PRKDC: variants seen among roughly 807,000 people sequenced by gnomAD.
The protein encoded by PRKDC is protein kinase, DNA-activated, catalytic subunit.
In PRKDC, 82 loss-of-function variants were observed where a neutral mutation model predicts 486.9. That is an observed-to-expected ratio of 0.17 (90% confidence interval 0.14 to 0.20). The LOEUF is 0.20. Ranked by LOEUF, PRKDC falls within the 10% of genes least tolerant of loss-of-function variation. The pLI is 1.00. For synonymous variants in PRKDC, 1,895 were observed against 1,837.0 expected (o/e 1.03, Z -0.81); for missense variants, 4,504 against 5,038.2 (o/e 0.89, Z 3.21).
At chr8:47,949,395 CAG>C (rs2090590621) in intron 7 of PRKDC, among the ~76,000 whole-genome samples, 2 of 152,210 alleles carry the variant, frequency 1.3e-5, no homozygotes, top group Admixed American at 1.3e-4. Flanking sequence ...ATCTATACAA[CAG>C]AGACATTTTA....
intron 21 of PRKDC, 153 bp downstream of exon 21, chr8:47,927,041 G>A (rs970963767): frequency 1.9e-5 from 15 of 786,722 alleles, no homozygotes; most frequent in Non-Finnish European, 2.7e-5. Context: ...ATTAGAGTCA[G>A]ATAAATTAGG....
chr8:47,926,327 G>A (rs1183906408), intron 21 of PRKDC, among the ~76,000 whole-genome samples: 1 of 152,060 alleles, frequency 6.6e-6, no homozygotes, highest in East Asian at 1.9e-4. Context: ...TATGCACTGA[G>A]GATGTCAGAA....
At chr8:47,944,484 T>TA (rs75220935) in intron 7 of PRKDC, among the ~76,000 whole-genome samples, 21,480 of 98,846 alleles carry the variant, frequency 0.22, 2,366 homozygotes, top group African/African-American at 0.37. Flanking sequence ...AGAAAAAAAT[T>TA]AAAAAAAAAA....
intron 4 of PRKDC, among the ~76,000 whole-genome samples, chr8:47,955,542 A>G (rs1355888587): frequency 6.6e-6 from 1 of 151,988 alleles, no homozygotes; most frequent in East Asian, 1.9e-4. Context: ...CCTCAGAGAT[A>G]TAAGGTGATC....
At chr8:47,857,615 C>G (rs2088573853) in intron 48 of PRKDC, among the ~76,000 whole-genome samples, 1 of 152,252 alleles carries the variant, frequency 6.6e-6, no homozygotes, top group Middle Eastern at 3.4e-3. Context: ...GGACCAGGCT[C>G]TCTCATAGCT....
At chr8:47,795,652 C>A (rs2086970426) in intron 73 of PRKDC, among the ~76,000 whole-genome samples, 1 of 151,940 alleles carries the variant, frequency 6.6e-6, no homozygotes, top group Non-Finnish European at 1.5e-5. Flanking sequence ...CGTCACCATA[C>A]CCAGCTAATT....
At chr8:47,813,936 C>A (rs1330278239) in intron 68 of PRKDC, among the ~76,000 whole-genome samples, 1 of 151,966 alleles carries the variant, frequency 6.6e-6, no homozygotes, top group Non-Finnish European at 1.5e-5. Context: ...CCATGATAAC[C>A]CTAATACCAA....
Position 47,873,227 on chromosome 8 carries a change from C to CAA in PRKDC, c.5363+4495_5363+4496dup, listed in dbSNP as rs60385860. Among the ~76,000 whole-genome samples, 302 of 70,728 alleles carry CAA rather than the reference C, an allele frequency of 4.3e-3. 1 individual carries two copies. The highest frequency in any genetic ancestry group is 0.031 in the Middle Eastern group (3 of 98). 46.4% of individuals were successfully genotyped at this position (70,728 alleles called of 152,430 possible). On this transcript the variant is annotated intron_variant, in intron 40 of 85. Transcript: ENST00000314191. Reference sequence around the variant, plus strand: ...TGGGTGACACAGCAAGACTCCATCTCAAAAAAAAAAAAAAAAAAAAAAAAA... The same window carrying CAA: ...TGGGTGACACAGCAAGACTCCATCTCAAAAAAAAAAAAAAAAAAAAAAAAAAA...
chr8:47,818,608 G>GA (rs2087509535), intron 67 of PRKDC, among the ~76,000 whole-genome samples: 3 of 147,126 alleles, frequency 2.0e-5, no homozygotes, highest in Non-Finnish European at 4.5e-5. Context: ...AAAAAGACTA[G>GA]GTAATATTGA....
intron 16 of PRKDC, among the ~76,000 whole-genome samples, 152 bp from the exon 17 acceptor site, chr8:47,930,939 G>C (rs966162101): frequency 6.6e-6 from 1 of 152,184 alleles, no homozygotes; most frequent in Non-Finnish European, 1.5e-5. Context: ...CAAGACCTAT[G>C]GTCTGATAAG....
At chr8:47,777,110 T>C in intron 84 of PRKDC, 127 bp from the exon 85 acceptor site, 1 of 1,208,402 alleles carries the variant, frequency 8.3e-7, no homozygotes, top group South Asian at 1.5e-5. Context: ...CCTTGCTTTC[T>C]ACAGCTACAA....
At chr8:47,871,649 A>T (rs1394758438) in intron 40 of PRKDC, among the ~76,000 whole-genome samples, 1 of 152,170 alleles carries the variant, frequency 6.6e-6, no homozygotes, top group Non-Finnish European at 1.5e-5. Context: ...CCCAGGCTGG[A>T]GTGCAGTGGC....
rs945551189 is a variant in PRKDC, at chr8:47,907,417, C to T, written c.2935-2441G>A. Among the ~76,000 whole-genome samples, 757 of 143,050 alleles carry T rather than the reference C, an allele frequency of 5.3e-3. 11 individuals are homozygous for T. The highest frequency in any genetic ancestry group is 0.016 in the African/African-American group (629 of 39,552). 93.8% of individuals were successfully genotyped at this position (143,050 alleles called of 152,430 possible). ...ATAGCTATATATATATATATACACACACACACACACACACACACACAATAC... is the reference window on the plus strand; with the variant it reads ...ATAGCTATATATATATATATACACATACACACACACACACACACACAATAC... On this transcript the variant is annotated intron_variant, in intron 25 of 85. Transcript: ENST00000314191.
intron 25 of PRKDC, among the ~76,000 whole-genome samples, chr8:47,906,954 T>C (rs2089794429): frequency 6.6e-6 from 1 of 151,546 alleles, no homozygotes; most frequent in Admixed American, 6.8e-5. Flanking sequence ...ATTTTTAAAA[T>C]TAATCAATAT....
At chr8:47,879,740 T>C in intron 38 of PRKDC, 82 bp from the exon 39 acceptor site, 2 of 1,209,752 alleles carry the variant, frequency 1.7e-6, no homozygotes, top group Non-Finnish European at 2.2e-6. Context: ...CTGTAAGACA[T>C]TGCAAATAAA....
intron 12 of PRKDC, 68 bp from the exon 13 acceptor site, chr8:47,935,968 A>G: frequency 1.4e-6 from 2 of 1,386,792 alleles, no homozygotes; most frequent in Non-Finnish European, 2.0e-6. Flanking sequence ...TAATACAAAT[A>G]TTCAAAGTAA....
At chr8:47,928,749 T>TGAGTACAGTGTA in intron 19 of PRKDC, among the ~76,000 whole-genome samples, 1 of 152,098 alleles carries the variant, frequency 6.6e-6, no homozygotes, top group South Asian at 2.1e-4. Context: ...AGTAGTGCAA[T>TGAGTACAGTGTA]CTCAGCTCAC....
rs2088436006 is a variant in PRKDC, at chr8:47,852,666, C to T, written c.7005+7G>A. The stretch of plus-strand genomic sequence containing the variant: ...GGTATTTATTGAAAATTGTGTAGCA[C>T]ACTCACGTTTTTTCTCTCCATAACA... On this transcript the variant is annotated splice_region_variant and intron_variant, in intron 52 of 85. Coordinates refer to ENST00000314191, the MANE Select transcript of PRKDC (RefSeq NM_006904.7). The T allele has an allele frequency of 6.6e-7, 1 of 1,524,522 alleles. No homozygotes were observed. Among genetic ancestry groups the T allele is most frequent in the Non-Finnish European group, 8.9e-7 (1 of 1,122,168 alleles). 94.4% of individuals were successfully genotyped at this position (1,524,522 alleles called of 1,614,324 possible). A position where few individuals can be genotyped will look rare whatever the true frequency, so the allele number is the denominator to read the frequency against.
At chr8:47,903,667 T>C (rs1180807459) in intron 26 of PRKDC, among the ~76,000 whole-genome samples, 1 of 152,250 alleles carries the variant, frequency 6.6e-6, no homozygotes, top group African/African-American at 2.4e-5. Context: ...TGCTGCTTCT[T>C]TACCTTTTCT....
Sources: gnomAD v4.1 joint callset for allele counts (sites outside exome capture counted in the v4.1 genomes callset) on GRCh38, gnomAD v4.1.1 for gene constraint, MANE v1.5 for transcripts, NCBI Gene and HGNC (gene_info 2026-07-23, HGNC 2026-07-21) for gene names.